The following SS18 variants were observed in gnomAD, a reference collection of about 807,000 sequenced individuals.
SS18 encodes protein SSXT.
In SS18, 28 loss-of-function variants were observed where a neutral mutation model predicts 72.5. The ratio of observed to expected loss-of-function variants is 0.39; its 90% CI spans 0.29 to 0.53. The LOEUF is 0.53. Among genes scored for constraint, SS18 ranks in the 20% least tolerant of loss-of-function variants. The probability of loss-of-function intolerance (pLI) is 0.76; values close to 1 mark genes in which losing one functional copy is unlikely to be tolerated. For missense variants in SS18, 518 were observed against 535.3 expected, an observed-to-expected ratio of 0.97 and a Z score of 0.32; for synonymous variants, 172 against 164.2, an observed-to-expected ratio of 1.05 and a Z score of -0.37.
chr18:26,049,423 T>G (rs1040362322), intron 5 of SS18, among the ~76,000 whole-genome samples: 1 of 152,374 alleles, frequency 6.6e-6, no homozygotes, highest in Middle Eastern at 3.4e-3. Context: ...CTTCCTGCTT[T>G]TATAGAGCTT....
At chr18:26,082,698 T>C (rs746076840) in intron 2 of SS18, among the ~76,000 whole-genome samples, 2 of 152,202 alleles carry the variant, frequency 1.3e-5, no homozygotes, top group Non-Finnish European at 2.9e-5. Flanking sequence ...CACTGACTCA[T>C]GAGTGTAATA....
At chr18:26,076,287 A>T (rs2054410501) in intron 3 of SS18, among the ~76,000 whole-genome samples, 1 of 151,970 alleles carries the variant, frequency 6.6e-6, no homozygotes, top group Middle Eastern at 3.4e-3. Context: ...AAAAAAAGGA[A>T]TAAGATTAAG....
rs1293449869 is a variant in SS18 at position 26,039,437 on chromosome 18, C to T, written c.627G>A (p.Gln209=). ...GCATATTGTATTGCTGAGAAGGAGGCTGCTGATGCATCATTGGACCTGAAA... is the reference window on the plus strand; with the variant it reads ...GCATATTGTATTGCTGAGAAGGAGGTTGCTGATGCATCATTGGACCTGAAA... ...QPNQGPMMHQ[Q]PPSQQYNMPQ... Residue 209 remains glutamine (Q), a synonymous_variant, in exon 6 of 11, where the codon CAG becomes CAA. Transcript: ENST00000415083. 3 of 1,613,412 alleles carry T rather than the reference C, an allele frequency of 1.9e-6. No individual in the cohort carries two copies. The highest frequency in any genetic ancestry group is 1.3e-5 in the African/African-American group (1 of 74,878).
intron 3 of SS18, among the ~76,000 whole-genome samples, chr18:26,062,990 A>C (rs1434730470): frequency 2.0e-5 from 3 of 152,228 alleles, no homozygotes; most frequent in East Asian, 3.8e-4. Flanking sequence ...GAATATAAAA[A>C]AATTTTGACA....
intron 5 of SS18, among the ~76,000 whole-genome samples, chr18:26,042,683 A>G (rs892315667): frequency 1.3e-5 from 2 of 151,970 alleles, no homozygotes; most frequent in Non-Finnish European, 2.9e-5. Context: ...GTCAAGGATC[A>G]AATTTATTGA....
At chr18:26,078,349 T>C in intron 2 of SS18, 189 bp from the exon 3 acceptor site, 1 of 481,758 alleles carries the variant, frequency 2.1e-6, no homozygotes. Flanking sequence ...AGCTCAGAGA[T>C]CTTGCCATGT....
chr18:26,033,951 A>T (rs1015894703), intron 9 of SS18, among the ~76,000 whole-genome samples: 4 of 152,216 alleles, frequency 2.6e-5, no homozygotes, highest in East Asian at 3.8e-4. Context: ...CAAAGTATAA[A>T]TACTAAGTAG....
chr18:26,026,221 C>T lies in SS18; in HGVS notation c.1230+6178G>A, dbSNP rs374279477. Among the ~76,000 whole-genome samples, 4 of 152,210 alleles carry T rather than the reference C, an allele frequency of 2.6e-5. No homozygotes were observed. In the East Asian group the frequency reaches 7.7e-4, roughly 29 times the overall value. On this transcript the variant is annotated intron_variant, in intron 10 of 10. Transcript: ENST00000415083. Reference sequence around the variant, plus strand: ...CTTTGTTGCCCAGACTGGTCTTGAACTCCTGGACTCAAGCGATGCAGATGC... The same window carrying T: ...CTTTGTTGCCCAGACTGGTCTTGAATTCCTGGACTCAAGCGATGCAGATGC...
At chr18:26,033,427 G>A (rs1486364491) in intron 9 of SS18, among the ~76,000 whole-genome samples, 1 of 151,312 alleles carries the variant, frequency 6.6e-6, no homozygotes, top group African/African-American at 2.4e-5. Flanking sequence ...CAGGAGAATC[G>A]CTTGAACCCG....
At chr18:26,043,092 T>C (rs2053758401) in intron 5 of SS18, among the ~76,000 whole-genome samples, 1 of 152,132 alleles carries the variant, frequency 6.6e-6, no homozygotes, top group Admixed American at 6.6e-5. Context: ...CAAAGCCCTA[T>C]GAAACGGGTA....
At chr18:26,052,918 A>AT (rs35102280) in intron 4 of SS18, 73 bp from the exon 5 acceptor site, 51,675 of 1,197,724 alleles carry the variant, frequency 0.043, 693 homozygotes, top group East Asian at 0.095. Flanking sequence ...CCTGGAAATA[A>AT]TTTTTTTTTT....
At chr18:26,044,681 TAAAATCAGAAA>T (rs2053789377) in intron 5 of SS18, among the ~76,000 whole-genome samples, 2 of 152,020 alleles carry the variant, frequency 1.3e-5, no homozygotes, top group South Asian at 4.2e-4. Flanking sequence ...TACTGATTAC[TAAAATCAGAAA>T]AAAATCAGAA....
At chr18:26,087,361 TA>T in intron 2 of SS18, 139 bp downstream of exon 2, 1 of 577,594 alleles carries the variant, frequency 1.7e-6, no homozygotes, top group Non-Finnish European at 3.1e-6. Flanking sequence ...ATGAATATAC[TA>T]AAAAACATTG....
chr18:26,050,095 C>T (rs1487381999), intron 5 of SS18, among the ~76,000 whole-genome samples: 4 of 151,990 alleles, frequency 2.6e-5, no homozygotes, highest in South Asian at 2.1e-4. Context: ...ATTAGCTGGG[C>T]GTGATGGCAG....
chr18:26,068,591 A>C (rs936623086), intron 3 of SS18: 1 of 152,226 alleles, frequency 6.6e-6, no homozygotes, highest in Non-Finnish European at 1.5e-5. Flanking sequence ...ACCAAATGTT[A>C]GTCAGAGAAG....
intron 2 of SS18, among the ~76,000 whole-genome samples, chr18:26,080,662 A>G (rs1413694939): frequency 1.3e-5 from 2 of 152,190 alleles, no homozygotes; most frequent in Non-Finnish European, 2.9e-5. Context: ...TCAATTTTTA[A>G]TTGTGAAATA....
chr18:26,068,246 G>A (rs1390882186), intron 3 of SS18: 4 of 152,132 alleles, frequency 2.6e-5, no homozygotes, highest in Non-Finnish European at 5.9e-5. Context: ...AACTTTAAAT[G>A]AGAATATAGA....
At position 26,038,657 on chromosome 18, in the gene SS18, G is replaced by A; in HGVS notation, c.778C>T (p.Pro260Ser). The stretch of plus-strand genomic sequence containing the variant: ...TCCTGGCCTGAGTACTGCTGTGGTG[G>A]GCCTGAAAAACCACAACCAGTCAAG... ...IPPYRPPQQG[P>S]PQQYSGQEDY... is the part of the protein sequence containing the mutation. The change falls in exon 7 of 11, where the codon CCA becomes TCA. Residue 260 changes from proline (P) to serine (S), a missense_variant and splice_region_variant. Pro to Ser is a moderately conservative substitution (Grantham distance 74). Transcript: ENST00000415083. 1 of 1,612,600 alleles carries A rather than the reference G, an allele frequency of 6.2e-7. No individual in the cohort carries two copies. Among genetic ancestry groups the A allele is most frequent in the Non-Finnish European group, 8.5e-7 (1 of 1,178,992 alleles).
At chr18:26,083,715 G>A (rs865875756) in intron 2 of SS18, among the ~76,000 whole-genome samples, 3 of 151,954 alleles carry the variant, frequency 2.0e-5, no homozygotes, top group South Asian at 4.1e-4. Context: ...ATAATCTTTC[G>A]GTCTATTGTT....
Sources: gnomAD v4.1 joint callset for allele counts (sites outside exome capture counted in the v4.1 genomes callset) on GRCh38, gnomAD v4.1.1 for gene constraint, MANE v1.5 for transcripts, NCBI Gene and HGNC (gene_info 2026-07-23, HGNC 2026-07-21) for gene names.